MDFIC2: variants seen among roughly 807,000 people sequenced by gnomAD.
The protein encoded by MDFIC2 is myoD family inhibitor domain-containing protein 2.
intron 2 of MDFIC2, among the ~76,000 whole-genome samples, chr3:70,258,510 C>G (rs1701838058): frequency 6.6e-6 from 1 of 152,146 alleles, no homozygotes; most frequent in Admixed American, 6.6e-5. Context: ...TCTAGACTAT[C>G]CAGTCACATG....
At chr3:70,213,772 G>A (rs895222095) in intron 2 of MDFIC2, among the ~76,000 whole-genome samples, 1 of 152,050 alleles carries the variant, frequency 6.6e-6, no homozygotes, top group African/African-American at 2.4e-5. Context: ...TAAAATACAG[G>A]AAATCATTCA....
chr3:70,220,387 T>G (rs1451139605), intron 2 of MDFIC2, among the ~76,000 whole-genome samples: 1 of 151,986 alleles, frequency 6.6e-6, no homozygotes, highest in East Asian at 1.9e-4. Context: ...TGCAGTGAGC[T>G]ATGATGGCAC....
chr3:70,301,478 C>T (rs1284036311), intron 2 of MDFIC2, among the ~76,000 whole-genome samples: 1 of 152,018 alleles, frequency 6.6e-6, no homozygotes, highest in Non-Finnish European at 1.5e-5. Context: ...TTATAAGTTT[C>T]TTTATTGGGC....
intron 2 of MDFIC2, among the ~76,000 whole-genome samples, chr3:70,253,740 C>T (rs1701790398): frequency 6.6e-6 from 1 of 151,764 alleles, no homozygotes. Flanking sequence ...AGTAAAAATA[C>T]AAATAAAAAA....
At chr3:70,210,548 A>T (rs1701332954) in intron 2 of MDFIC2, among the ~76,000 whole-genome samples, 1 of 152,114 alleles carries the variant, frequency 6.6e-6, no homozygotes, top group African/African-American at 2.4e-5. Flanking sequence ...TTATTGTATT[A>T]TTCGACATTG....
intron 2 of MDFIC2, among the ~76,000 whole-genome samples, chr3:70,306,640 T>A (rs575823068): frequency 1.2e-4 from 18 of 152,158 alleles, no homozygotes; most frequent in Non-Finnish European, 2.2e-4. Context: ...ACAACACAAT[T>A]TAACAGTCAT....
At chr3:70,211,806 A>ACCCTT (rs145589758) in intron 2 of MDFIC2, among the ~76,000 whole-genome samples, 2 of 56,922 alleles carry the variant, frequency 3.5e-5, no homozygotes, top group East Asian at 5.2e-4. Context: ...TCCTTTCCTT[A>ACCCTT]CCCTTCCCTT....
chr3:70,225,437 T>C (rs1216524403), intron 2 of MDFIC2, among the ~76,000 whole-genome samples: 1 of 152,232 alleles, frequency 6.6e-6, no homozygotes, highest in African/African-American at 2.4e-5. Context: ...TTTTTTATAG[T>C]GTTCTTTATC....
At chr3:70,284,784 T>C (rs1271653416) in intron 2 of MDFIC2, among the ~76,000 whole-genome samples, 1 of 151,954 alleles carries the variant, frequency 6.6e-6, no homozygotes, top group Non-Finnish European at 1.5e-5. Flanking sequence ...TCAGGGAAAA[T>C]AACTAATGGG....
rs577185977 is a variant in MDFIC2, at chr3:70,219,360, C to T, written c.89-12570G>A. Among the ~76,000 whole-genome samples the T allele has an allele frequency of 5.8e-4, 89 of 152,236 alleles. 3 individuals carry two copies. In the South Asian group the frequency reaches 0.018, roughly 31 times the overall value. On this transcript the variant is annotated intron_variant, in intron 2 of 3. Transcript: ENST00000567252. ...TTCTGCATGCTCCCGATTCACAAAC[C>T]ATATTTTGTGTCAACAAGAAAATTA...
chr3:70,275,703 C>T (rs150480410), intron 2 of MDFIC2, among the ~76,000 whole-genome samples: 2 of 152,158 alleles, frequency 1.3e-5, no homozygotes, highest in East Asian at 1.9e-4. Context: ...TACCTCAAAG[C>T]GTCGTTGAAA....
intron 2 of MDFIC2, among the ~76,000 whole-genome samples, chr3:70,274,090 T>TGTGTGTGTGTGC (rs770689062): frequency 9.0e-5 from 13 of 144,970 alleles, no homozygotes; most frequent in Non-Finnish European, 1.6e-4. Flanking sequence ...TGTGTGTGTG[T>TGTGTGTGTGTGC]GCGCGCGCGC....
At chr3:70,204,373 A>T (rs1310979123) in intron 3 of MDFIC2, 7 of 152,172 alleles carry the variant, frequency 4.6e-5, no homozygotes, top group Non-Finnish European at 4.4e-5. Context: ...AAATGGAGTG[A>T]GTCTGACTTA....
intron 2 of MDFIC2, among the ~76,000 whole-genome samples, chr3:70,228,336 A>T (rs1017888937): frequency 2.0e-5 from 3 of 152,134 alleles, no homozygotes; most frequent in African/African-American, 7.2e-5. Context: ...TCTTTAATCA[A>T]AGTTTCATTT....
At chr3:70,199,353 T>A (rs7616256) in intron 3 of MDFIC2, among the ~76,000 whole-genome samples, 103,577 of 151,858 alleles carry the variant, frequency 0.68, 36,287 homozygotes, top group Non-Finnish European at 0.76. Flanking sequence ...CCTCTTCTAA[T>A]GTATACTGTA....
chr3:70,289,730 C>A (rs1702211024), intron 2 of MDFIC2, among the ~76,000 whole-genome samples: 1 of 152,146 alleles, frequency 6.6e-6, no homozygotes, highest in Non-Finnish European at 1.5e-5. Flanking sequence ...TTCACATAGT[C>A]CCATATTTCT....
intron 2 of MDFIC2, among the ~76,000 whole-genome samples, chr3:70,215,228 G>T (rs1235748431): frequency 6.6e-6 from 1 of 152,132 alleles, no homozygotes; most frequent in Non-Finnish European, 1.5e-5. Context: ...TAGAGGGTCA[G>T]AGATTTTAGT....
intron 2 of MDFIC2, among the ~76,000 whole-genome samples, chr3:70,258,378 C>T (rs1701836496): frequency 6.6e-6 from 1 of 151,928 alleles, no homozygotes. Context: ...ATTTACAGTT[C>T]ATTTATTGGA....
chr3:70,275,087 C>A (rs1330325225), intron 2 of MDFIC2, among the ~76,000 whole-genome samples: 1 of 152,078 alleles, frequency 6.6e-6, no homozygotes, highest in Admixed American at 6.6e-5. Flanking sequence ...TATTTATAAC[C>A]TCCAAACAGA....
Sources: allele counts gnomAD v4.1 joint callset (sites outside exome capture counted in the v4.1 genomes callset), GRCh38; gene constraint gnomAD v4.1.1; transcripts MANE v1.5; gene names NCBI Gene and HGNC (gene_info 2026-07-23, HGNC 2026-07-21).